Variants in PSPC1 observed in about 807,000 individuals in gnomAD.
PSPC1 encodes paraspeckle protein 1.
Under a neutral mutation model 51.6 loss-of-function variants are expected in PSPC1, and 14 were observed. That is an observed-to-expected ratio of 0.27 (90% CI 0.18 to 0.42). The LOEUF is 0.42. PSPC1 is among the 10% of genes least tolerant of loss of function. The pLI, the probability that PSPC1 is intolerant of heterozygous loss-of-function variation, is 1.00. For missense variants in PSPC1, 406 were observed against 701.1 expected (o/e 0.58, Z 4.75); for synonymous variants, 193 against 231.9 (o/e 0.83, Z 1.53).
At chr13:19,674,821 G>A (rs1876451246) in exon 8 of PSPC1, 1 of 152,154 alleles carries the variant, frequency 6.6e-6, no homozygotes, top group African/African-American at 2.4e-5. Flanking sequence ...TGAAGTTTTA[G>A]ACTTATCCCA....
intron 6 of PSPC1, among the ~76,000 whole-genome samples, chr13:19,724,767 AGC>A (rs1883167729): frequency 6.6e-6 from 1 of 152,094 alleles, no homozygotes; most frequent in Non-Finnish European, 1.5e-5. Context: ...TGGGAGGCCG[AGC>A]GGGCGGATCA....
intron 6 of PSPC1, among the ~76,000 whole-genome samples, chr13:19,728,297 G>C (rs1349049417): frequency 6.6e-6 from 1 of 152,100 alleles, no homozygotes; most frequent in East Asian, 1.9e-4. Context: ...CAAGAAGAGA[G>C]AGGTGGCATC....
At chr13:19,687,486 G>A (rs1378645208) in intron 6 of PSPC1, among the ~76,000 whole-genome samples, 1 of 152,132 alleles carries the variant, frequency 6.6e-6, no homozygotes, top group Non-Finnish European at 1.5e-5. Flanking sequence ...TTACTCTACT[G>A]ACAATTCTCT....
chr13:19,712,961 A>G (rs1881621477), intron 6 of PSPC1, among the ~76,000 whole-genome samples: 1 of 152,202 alleles, frequency 6.6e-6, no homozygotes, highest in African/African-American at 2.4e-5. Flanking sequence ...AACTTCTAGT[A>G]AAATGCAAAA....
At chr13:19,767,513 G>C (rs1260757947) in intron 2 of PSPC1, among the ~76,000 whole-genome samples, 1 of 151,870 alleles carries the variant, frequency 6.6e-6, no homozygotes, top group Non-Finnish European at 1.5e-5. Context: ...AACCTAAATA[G>C]CCAAAAAAAT....
intron 1 of PSPC1, among the ~76,000 whole-genome samples, chr13:19,779,622 G>C (rs867159377): frequency 1.2e-4 from 2 of 16,674 alleles, no homozygotes; most frequent in Admixed American, 4.8e-4. Context: ...CTGCCCGGCC[G>C]CCCCTACTGG....
intron 1 of PSPC1, among the ~76,000 whole-genome samples, chr13:19,773,249 A>T (rs373199771): frequency 9.0e-5 from 12 of 133,940 alleles, no homozygotes; most frequent in East Asian, 6.3e-4. Context: ...TTTTTATCTC[A>T]TTTTTTTTTT....
At chr13:19,699,711 G>C (rs1402373274), downstream of PSPC1, among the ~76,000 whole-genome samples, 1 of 151,750 alleles carries the variant, frequency 6.6e-6, no homozygotes, top group East Asian at 1.9e-4. Flanking sequence ...CTTTAAAGTA[G>C]TTTGCCATCC....
At chr13:19,711,479 A>C (rs1156567255) in intron 6 of PSPC1, among the ~76,000 whole-genome samples, 1 of 152,046 alleles carries the variant, frequency 6.6e-6, no homozygotes, top group Non-Finnish European at 1.5e-5. Flanking sequence ...TACTAAAAAT[A>C]CAAAAAAAAT....
At chr13:19,683,388 G>A (rs1439805501) in intron 6 of PSPC1, among the ~76,000 whole-genome samples, 1 of 152,186 alleles carries the variant, frequency 6.6e-6, no homozygotes, top group Non-Finnish European at 1.5e-5. Flanking sequence ...AAAACATTAT[G>A]TGAAGTGGAA....
chr13:19,735,005 A>C (rs961467541), intron 5 of PSPC1, among the ~76,000 whole-genome samples: 9 of 151,026 alleles, frequency 6.0e-5, no homozygotes, highest in Non-Finnish European at 1.3e-4. Context: ...AACAAACAAA[A>C]AAAACAAAGA....
At chr13:19,721,189 G>C (rs1178747675) in intron 6 of PSPC1, among the ~76,000 whole-genome samples, 2 of 152,078 alleles carry the variant, frequency 1.3e-5, no homozygotes, top group African/African-American at 4.8e-5. Context: ...CTGTAAGGTG[G>C]CTCCAAATAC....
At chr13:19,743,128 T>C (rs1479140065) in intron 4 of PSPC1, among the ~76,000 whole-genome samples, 1 of 152,240 alleles carries the variant, frequency 6.6e-6, no homozygotes, top group African/African-American at 2.4e-5. Context: ...GTTAAAAATC[T>C]CCAAAGCTAA....
At chr13:19,760,830 T>C (rs1433425614) in intron 2 of PSPC1, among the ~76,000 whole-genome samples, 1 of 149,012 alleles carries the variant, frequency 6.7e-6, no homozygotes, top group East Asian at 2.0e-4. Flanking sequence ...CTACTAAAAA[T>C]ACAAAAAATT....
At chr13:19,760,727 G>T (rs949959755) in intron 2 of PSPC1, among the ~76,000 whole-genome samples, 1 of 151,738 alleles carries the variant, frequency 6.6e-6, no homozygotes, top group African/African-American at 2.4e-5. Context: ...AGTGGCTCAC[G>T]CCTGTAATCC....
intron 1 of PSPC1, among the ~76,000 whole-genome samples, chr13:19,777,024 TGAG>T (rs1889214756): frequency 6.9e-6 from 1 of 145,646 alleles, no homozygotes; most frequent in African/African-American, 2.5e-5. Flanking sequence ...TTCAGGAGGC[TGAG>T]GAGTGAGAAT....
chr13:19,757,606 T>C (rs1593728624), intron 3 of PSPC1, among the ~76,000 whole-genome samples: 3 of 152,274 alleles, frequency 2.0e-5, no homozygotes, highest in Admixed American at 2.0e-4. Context: ...CCATAGGACA[T>C]ACACCGAGTA....
chr13:19,774,819 C>T (rs4769070), intron 1 of PSPC1, among the ~76,000 whole-genome samples: 73,425 of 135,554 alleles, frequency 0.54, 20,382 homozygotes, highest in East Asian at 0.86. Flanking sequence ...AAAAAAAAAA[C>T]AAAAAAAAAA....
chr13:19,749,190 T>C (rs1886283905), intron 4 of PSPC1, among the ~76,000 whole-genome samples: 1 of 151,842 alleles, frequency 6.6e-6, no homozygotes, highest in Non-Finnish European at 1.5e-5. Context: ...CTACTAAAAA[T>C]ACAAAAAATT....
Sources: gnomAD v4.1 joint callset for allele counts (sites outside exome capture counted in the v4.1 genomes callset) on GRCh38, gnomAD v4.1.1 for gene constraint, MANE v1.5 for transcripts, NCBI Gene and HGNC (gene_info 2026-07-23, HGNC 2026-07-21) for gene names.